Variants in PCBP3 observed in about 807,000 individuals in gnomAD.
PCBP3 encodes the protein poly(rC)-binding protein 3.
Under a neutral mutation model 52.7 loss-of-function variants are expected in PCBP3, and 25 were observed. The ratio of observed to expected loss-of-function variants is 0.47; its 90% CI spans 0.35 to 0.66. PCBP3 has a LOEUF of 0.66. Ranked by LOEUF, PCBP3 falls within the 30% of genes least tolerant of loss-of-function variation. The pLI, the probability that PCBP3 is intolerant of heterozygous loss-of-function variation, is 0.01. For missense variants in PCBP3, 391 were observed against 490.3 expected (o/e 0.80, Z 1.91); for synonymous variants, 162 against 183.0 (o/e 0.89, Z 0.93).
chr21:45,870,119 T>C (rs984369663), intron 5 of PCBP3, among the ~76,000 whole-genome samples: 1 of 152,246 alleles, frequency 6.6e-6, no homozygotes, highest in African/African-American at 2.4e-5. Flanking sequence ...ACTACTTTTA[T>C]CATTTATTTA....
At chr21:45,707,265 C>T (rs989078563) in intron 2 of PCBP3, among the ~76,000 whole-genome samples, 4 of 152,112 alleles carry the variant, frequency 2.6e-5, no homozygotes, top group African/African-American at 7.2e-5. Flanking sequence ...CCTGTAATCC[C>T]GGCACTTTGG....
chr21:45,730,404 AT>A (rs917654708), intron 2 of PCBP3, among the ~76,000 whole-genome samples: 4 of 151,946 alleles, frequency 2.6e-5, no homozygotes, highest in African/African-American at 9.6e-5. Flanking sequence ...GTCAGGAAAC[AT>A]TTTTTTTATT....
intron 4 of PCBP3, among the ~76,000 whole-genome samples, chr21:45,823,916 A>G (rs536456669): frequency 6.4e-4 from 97 of 151,510 alleles, no homozygotes; most frequent in African/African-American, 2.3e-3. Flanking sequence ...TAATTTTTTT[A>G]TTTTTAGTAG....
At chr21:45,744,287 T>C (rs1248698087) in intron 3 of PCBP3, 1 of 152,176 alleles carries the variant, frequency 6.6e-6, no homozygotes. Flanking sequence ...CTTGAACTCC[T>C]GGGCTCAAGC....
intron 4 of PCBP3, among the ~76,000 whole-genome samples, chr21:45,819,012 A>G (rs574665882): frequency 1.1e-4 from 16 of 152,334 alleles, no homozygotes; most frequent in African/African-American, 3.6e-4. Context: ...GGGCGGAGAG[A>G]TGGATGTGTA....
At chr21:45,711,420 C>T (rs939698909) in intron 2 of PCBP3, among the ~76,000 whole-genome samples, 2 of 152,214 alleles carry the variant, frequency 1.3e-5, no homozygotes, top group African/African-American at 4.8e-5. Flanking sequence ...CATTGCCACA[C>T]GGATTATTCT....
intron 4 of PCBP3, among the ~76,000 whole-genome samples, chr21:45,834,572 C>G (rs1424001584): frequency 6.6e-6 from 1 of 152,196 alleles, no homozygotes; most frequent in Non-Finnish European, 1.5e-5. Flanking sequence ...CACAGCCCTG[C>G]TCTCCCCAGG....
intron 5 of PCBP3, among the ~76,000 whole-genome samples, chr21:45,851,639 ATAGG>A (rs79693182): frequency 0.14 from 20,973 of 152,148 alleles, 1,580 homozygotes; most frequent in Middle Eastern, 0.27. Context: ...AGATAGATAG[ATAGG>A]TAAAGAAATA....
chr21:45,815,319 G>A (rs1603442026), intron 4 of PCBP3, among the ~76,000 whole-genome samples: 1 of 45,388 alleles, frequency 2.2e-5, no homozygotes, highest in Non-Finnish European at 4.4e-5. Flanking sequence ...GTGGTGAGTG[G>A]TGAGTGAGTG....
intron 12 of PCBP3, chr21:45,916,029 C>G (rs1487153473): frequency 1.3e-5 from 2 of 152,336 alleles, no homozygotes; most frequent in African/African-American, 4.8e-5. Flanking sequence ...TGGGGGCACC[C>G]AGCAGCAGCT....
At position 45,746,936 on chromosome 21, in the gene PCBP3, T is replaced by C. The variant is rs543044911; in HGVS notation, c.-161-8481T>C. 2.5e-3 allele frequency among the ~76,000 whole-genome samples: 165 copies of C among 65,380 alleles called. 6 individuals carry two copies. The highest frequency in any genetic ancestry group is 0.01 in the East Asian group (31 of 3,046). The allele number at this position is 65,380 out of a possible 152,430, so 42.9% of individuals were successfully genotyped here. On this transcript the variant is annotated intron_variant, in intron 3 of 17. Coordinates refer to ENST00000681687, the MANE Select transcript of PCBP3 (RefSeq NM_001384156.1). ...GTGTCAGCATCGCCGTGTCAGTCCA[T>C]TGACGTAGCGCACACGGTGTTGTCA...
chr21:45,681,507 A>G (rs1196066037), intron 2 of PCBP3, among the ~76,000 whole-genome samples: 1 of 152,162 alleles, frequency 6.6e-6, no homozygotes, highest in East Asian at 1.9e-4. Flanking sequence ...GTAAGTGAAA[A>G]ATGCAACCTG....
At position 45,929,859 on chromosome 21, in the gene PCBP3, G is replaced by T. The variant is rs574005542; in HGVS notation, c.718-58G>T. The T allele has an allele frequency of 4.9e-5, 63 of 1,281,214 alleles. 1 individual carries two copies. In the Admixed American group the frequency reaches 7.4e-4, roughly 15 times the overall value. The allele number at this position is 1,281,214 out of a possible 1,614,324, so 79.4% of individuals were successfully genotyped here. On this transcript the variant is annotated intron_variant, in intron 13 of 17. Coordinates refer to ENST00000681687, the MANE Select transcript of PCBP3 (RefSeq NM_001384156.1). ...GTTCTGTTACTGCCGTTTTAATTTG[G>T]TGTGACTTGTACTCGATGACAATAA...
intron 4 of PCBP3, among the ~76,000 whole-genome samples, chr21:45,792,584 ACAG>A (rs2091679784): frequency 1.3e-5 from 2 of 152,382 alleles, no homozygotes; most frequent in South Asian, 4.1e-4. Context: ...AAATTTTGAA[ACAG>A]CAGCAACAAC....
At chr21:45,726,110 G>T (rs1271898935) in intron 2 of PCBP3, among the ~76,000 whole-genome samples, 1 of 152,116 alleles carries the variant, frequency 6.6e-6, no homozygotes, top group Non-Finnish European at 1.5e-5. Context: ...GGCTGCCAAT[G>T]GGACTGGAAG....
intron 4 of PCBP3, among the ~76,000 whole-genome samples, chr21:45,844,154 G>A (rs150332239): frequency 4.6e-5 from 7 of 152,158 alleles, no homozygotes; most frequent in East Asian, 3.9e-4. Context: ...GGACAAGGCC[G>A]TGCTTGTTTT....
intron 9 of PCBP3, among the ~76,000 whole-genome samples, chr21:45,908,543 A>C (rs540621947): frequency 6.6e-6 from 1 of 152,328 alleles, no homozygotes; most frequent in African/African-American, 2.4e-5. Context: ...TAACTCAGGC[A>C]TAATGGATCC....
chr21:45,812,371 T>G (rs2092707245), intron 4 of PCBP3, among the ~76,000 whole-genome samples: 3 of 152,226 alleles, frequency 2.0e-5, no homozygotes, highest in Admixed American at 2.0e-4. Context: ...CCATCTGGCA[T>G]CATTTTCTTC....
rs138233907 is a variant in PCBP3 at position 45,686,360 on chromosome 21, A to C, written c.-200+17408A>C. On this transcript the variant is annotated intron_variant, in intron 2 of 17. Transcript: ENST00000681687. Reference sequence around the variant, plus strand: ...TATACCTCAAGAGTAGGTCTAAATTAGCTGTAGAGTAAAAGATACTGTACA... The same window carrying C: ...TATACCTCAAGAGTAGGTCTAAATTCGCTGTAGAGTAAAAGATACTGTACA... 3.2e-3 allele frequency among the ~76,000 whole-genome samples: 488 copies of C among 152,340 alleles called. 3 individuals are homozygous for C. The highest frequency in any genetic ancestry group is 0.011 in the African/African-American group (469 of 41,588).
Sources: allele counts gnomAD v4.1 joint callset (sites outside exome capture counted in the v4.1 genomes callset), GRCh38; gene constraint gnomAD v4.1.1; transcripts MANE v1.5; gene names NCBI Gene and HGNC (gene_info 2026-07-23, HGNC 2026-07-21).